Variants in ATG7 observed in about 807,000 individuals in gnomAD.
ATG7 encodes autophagy related 7.
A neutral mutation model predicts 82.4 loss-of-function variants in ATG7; 70 were observed. That is an observed-to-expected ratio of 0.85 (90% CI 0.70 to 1.04). The LOEUF (loss-of-function observed/expected upper bound fraction) is 1.04. Ranked by LOEUF, ATG7 falls within the 50% of genes least tolerant of loss-of-function variation. The pLI, the probability that ATG7 is intolerant of heterozygous loss-of-function variation, is 0.00. For synonymous variants in ATG7, 287 were observed against 313.0 expected, an observed-to-expected ratio of 0.92 and a Z score of 0.88; for missense variants, 792 against 864.3, an observed-to-expected ratio of 0.92 and a Z score of 1.05.
intron 20 of ATG7, among the ~76,000 whole-genome samples, chr3:11,442,117 C>G (rs942105414): frequency 5.5e-4 from 83 of 152,174 alleles, no homozygotes; most frequent in African/African-American, 1.9e-3. Context: ...CTCTTTCTTT[C>G]AACGGTAACC....
chr3:11,525,138 G>A (rs1346941705), intron 20 of ATG7, among the ~76,000 whole-genome samples: 1 of 148,470 alleles, frequency 6.7e-6, no homozygotes, highest in South Asian at 2.1e-4. Flanking sequence ...CTGGGCTCAA[G>A]TGATTGTCCT....
chr3:11,483,375 A>G (rs1162449755), intron 20 of ATG7, among the ~76,000 whole-genome samples: 1 of 152,182 alleles, frequency 6.6e-6, no homozygotes, highest in East Asian at 1.9e-4. Flanking sequence ...TAGAATTGTC[A>G]GATATCCACT....
At position 11,490,329 on chromosome 3, in the gene ATG7, T is replaced by A. The variant is rs1040506380; in HGVS notation, c.2079+63403T>A. 1.1e-4 allele frequency among the ~76,000 whole-genome samples: 17 copies of A among 152,338 alleles called. 1 individual carries two copies. Among genetic ancestry groups the A allele is most frequent in the Admixed American group, 3.3e-4 (5 of 15,294 alleles). On this transcript the variant is annotated intron_variant, in intron 20 of 20. Transcript: ENST00000693202. ...TTTTGTTTTCCATTTGCTTGGTAGA[T>A]CTTCCTCCATGCTTTTATTTTGAGC...
chr3:11,537,169 C>T (rs1031403310), intron 20 of ATG7, among the ~76,000 whole-genome samples: 1 of 152,278 alleles, frequency 6.6e-6, no homozygotes, highest in South Asian at 2.1e-4. Flanking sequence ...GAGCTGCCCT[C>T]CCTCCACTCC....
intron 19 of ATG7, among the ~76,000 whole-genome samples, chr3:11,407,521 G>C (rs1006508102): frequency 3.3e-5 from 5 of 152,176 alleles, no homozygotes; most frequent in African/African-American, 1.2e-4. Context: ...CTGTGTGGGG[G>C]CTCTCACCCC....
chr3:11,330,408 C>G (rs1951480245), intron 9 of ATG7, among the ~76,000 whole-genome samples: 1 of 152,142 alleles, frequency 6.6e-6, no homozygotes, highest in Non-Finnish European at 1.5e-5. Flanking sequence ...TATAATTCAA[C>G]ATCATATTAT....
intron 20 of ATG7, among the ~76,000 whole-genome samples, chr3:11,508,236 A>C (rs1002311878): frequency 2.6e-5 from 4 of 152,042 alleles, no homozygotes; most frequent in African/African-American, 9.7e-5. Context: ...ACAGTGTCTA[A>C]GGTGGGGGGG....
Position 11,358,670 on chromosome 3 carries a change from G to A in ATG7, c.1479+58G>A, listed in dbSNP as rs2076091701. On this transcript the variant is annotated intron_variant, in intron 15 of 20. Coordinates refer to ENST00000693202, the MANE Select transcript of ATG7 (RefSeq NM_001349232.2). Reference sequence around the variant, plus strand: ...TAATGCACCACCACTCCAGAGGGAGGAGTGTCCCTAACCTTCCCTTCCCCA... The same window carrying A: ...TAATGCACCACCACTCCAGAGGGAGAAGTGTCCCTAACCTTCCCTTCCCCA... 6 of 1,551,812 alleles carry A rather than the reference G, an allele frequency of 3.9e-6. No homozygotes were observed. In the South Asian group the frequency reaches 6.1e-5, roughly 16 times the overall value.
rs186974782 is a variant in ATG7 at position 11,289,683 on chromosome 3, G to A, written c.-11+7245G>A. Among the ~76,000 whole-genome samples, 153 of 152,196 alleles carry A rather than the reference G, an allele frequency of 1.0e-3. 3 individuals are homozygous for A. The East Asian group carries it at 0.024, about 24-fold the overall frequency. ...AGCTATCTTCCTACCTCAGCTTCCC[G>A]AGTTGTTGGGACTACCGATGCGCCC... On this transcript the variant is annotated intron_variant, in intron 3 of 20. Transcript: ENST00000693202.
intron 20 of ATG7, among the ~76,000 whole-genome samples, chr3:11,543,910 G>C (rs900644691): frequency 6.6e-6 from 1 of 152,140 alleles, no homozygotes; most frequent in Non-Finnish European, 1.5e-5. Flanking sequence ...GGTGGGCAGG[G>C]GCAAGGGCTG....
intron 20 of ATG7, among the ~76,000 whole-genome samples, chr3:11,543,135 T>C (rs950593705): frequency 2.0e-5 from 3 of 152,222 alleles, no homozygotes; most frequent in Admixed American, 1.3e-4. Flanking sequence ...ACATGAAACC[T>C]GTCGTTTTCT....
chr3:11,493,175 G>C (rs1181485334), intron 20 of ATG7, among the ~76,000 whole-genome samples: 1 of 152,102 alleles, frequency 6.6e-6, no homozygotes, highest in African/African-American at 2.4e-5. Flanking sequence ...CAGTGGAGAG[G>C]GGAGCTGGAA....
rs1046498067 is a variant in ATG7, at chr3:11,539,276, C to T, written c.2080-15535C>T. ...TTTGTCCTCATTTCTCAGATGAGAA[C>T]ACAGAGGCACAAAGAGATTAAATAA... is the stretch of plus-strand genomic sequence containing the variant. On this transcript the variant is annotated intron_variant, in intron 20 of 20. Transcript: ENST00000693202. Among the ~76,000 whole-genome samples the T allele has an allele frequency of 1.4e-4, 21 of 152,164 alleles. 1 individual carries two copies. The highest frequency in any genetic ancestry group is 1.5e-4 in the Non-Finnish European group (10 of 68,036).
At chr3:11,375,425 A>G (rs545530453) in intron 18 of ATG7, among the ~76,000 whole-genome samples, 1 of 152,390 alleles carries the variant, frequency 6.6e-6, no homozygotes, top group South Asian at 2.1e-4. Flanking sequence ...ACCAGTCATT[A>G]GAGAAATGCA....
At chr3:11,477,093 T>G (rs1274721088) in intron 20 of ATG7, 3 of 1,289,034 alleles carry the variant, frequency 2.3e-6, no homozygotes, top group Non-Finnish European at 3.0e-6. Flanking sequence ...TTGCAGCAAT[T>G]TGGTGGTGTA....
At position 11,278,897 on chromosome 3, in the gene ATG7, G is replaced by C. The variant is rs565004506; in HGVS notation, c.-365-2097G>C. Among the ~76,000 whole-genome samples the C allele has an allele frequency of 1.2e-4, 19 of 152,316 alleles. No individual in the cohort carries two copies. The South Asian group carries it at 3.5e-3, about 28-fold the overall frequency. On this transcript the variant is annotated intron_variant, in intron 1 of 20. Coordinates refer to ENST00000693202, the MANE Select transcript of ATG7 (RefSeq NM_001349232.2). ...TCCAGAGCTGAGGGAGTCAGGGAAGGCTTCCCTCAGAAGTGATGATTGAGC... is the reference window on the plus strand; with the variant it reads ...TCCAGAGCTGAGGGAGTCAGGGAAGCCTTCCCTCAGAAGTGATGATTGAGC...
At chr3:11,458,104 CA>C (rs932734721) in intron 20 of ATG7, among the ~76,000 whole-genome samples, 1 of 151,978 alleles carries the variant, frequency 6.6e-6, no homozygotes, top group Admixed American at 6.6e-5. Flanking sequence ...GTCTTGTTTT[CA>C]AAACAGCCCT....
At chr3:11,511,486 T>C (rs990097142) in intron 20 of ATG7, among the ~76,000 whole-genome samples, 1 of 152,166 alleles carries the variant, frequency 6.6e-6, no homozygotes, top group Non-Finnish European at 1.5e-5. Context: ...GAGCTAGATA[T>C]AAAGACTCTC....
At position 11,331,351 on chromosome 3, in the gene ATG7, T is replaced by G. The variant is rs775757038; in HGVS notation, c.690T>G (p.Gly230=). ...FQGQRTKITI[G]VYDPCNLAQY... ...TTTTTTGTTCACAGATAACAATTGG[T>G]GTATATGATCCCTGTAACTTAGCCC... The change falls in exon 10 of 21, where the codon GGT becomes GGG. Residue 230 remains glycine (G), a synonymous_variant. Transcript: ENST00000693202. The G allele has an allele frequency of 1.9e-6, 3 of 1,612,956 alleles. No individual in the cohort carries two copies. The highest frequency in any genetic ancestry group is 1.7e-5 in the Admixed American group (1 of 59,986).
Sources: gnomAD v4.1 joint callset for allele counts (sites outside exome capture counted in the v4.1 genomes callset) on GRCh38, gnomAD v4.1.1 for gene constraint, MANE v1.5 for transcripts, NCBI Gene and HGNC (gene_info 2026-07-23, HGNC 2026-07-21) for gene names.